The following STAG1 variants were observed in gnomAD, a reference collection of about 807,000 sequenced individuals.
STAG1 encodes cohesin subunit SA-1.
A neutral mutation model predicts 170.9 loss-of-function variants in STAG1; 26 were observed. The observed-to-expected ratio is 0.15, with a 90% confidence interval of 0.11 to 0.21. The LOEUF (loss-of-function observed/expected upper bound fraction) is 0.21. STAG1 is among the 10% of genes least tolerant of loss of function. STAG1 has a pLI of 1.00. For missense variants in STAG1, 964 were observed against 1,509.5 expected (o/e 0.64, Z 5.99); for synonymous variants, 514 against 497.7 (o/e 1.03, Z -0.44).
At chr3:136,392,701 G>GGTT (rs762015067) in intron 22 of STAG1, among the ~76,000 whole-genome samples, 5 of 151,110 alleles carry the variant, frequency 3.3e-5, no homozygotes, top group African/African-American at 4.9e-5. Context: ...GGGAGATGGA[G>GGTT]GTTGCAGTGA....
intron 9 of STAG1, among the ~76,000 whole-genome samples, chr3:136,487,519 C>T (rs541414284): frequency 6.6e-6 from 1 of 152,182 alleles, no homozygotes. Flanking sequence ...CTTTTCCAGA[C>T]TTGCAATTTG....
chr3:136,344,434 A>AGGG (rs1936131273), intron 29 of STAG1, among the ~76,000 whole-genome samples: 1 of 152,140 alleles, frequency 6.6e-6, no homozygotes, highest in Non-Finnish European at 1.5e-5. Flanking sequence ...TAGCAATTAA[A>AGGG]GTCTGACTGG....
chr3:136,711,668 C>G (rs1327107197), intron 1 of STAG1, among the ~76,000 whole-genome samples: 1 of 151,892 alleles, frequency 6.6e-6, no homozygotes, highest in African/African-American at 2.4e-5. Flanking sequence ...ACTAATGTAA[C>G]AGGATAAAGG....
chr3:136,699,400 CTTT>C, intron 1 of STAG1, among the ~76,000 whole-genome samples: 1 of 151,916 alleles, frequency 6.6e-6, no homozygotes, highest in Non-Finnish European at 1.5e-5. Context: ...CTTTTCTTTT[CTTT>C]TTTTAAAGAC....
At position 136,422,402 on chromosome 3, in the gene STAG1, G is replaced by C. The variant is rs528551644; in HGVS notation, c.2037+8C>G. 9 of 1,612,482 alleles carry C rather than the reference G, an allele frequency of 5.6e-6. No homozygotes were observed. Among genetic ancestry groups the C allele is most frequent in the Middle Eastern group, 1.7e-4 (1 of 6,058 alleles). ...TTATTATATGTACACATTAACTTTA[G>C]AACAGACCTCTTGCAATAGGTCTTC... On this transcript the variant is annotated splice_region_variant and intron_variant, in intron 19 of 33. Coordinates refer to ENST00000383202, the MANE Select transcript of STAG1 (RefSeq NM_005862.3).
At position 136,522,682 on chromosome 3, in the gene STAG1, T is replaced by C. The variant is rs1441103290; in HGVS notation, c.472-1265A>G. Among the ~76,000 whole-genome samples the C allele has an allele frequency of 3.3e-5, 5 of 151,960 alleles. No homozygotes were observed. In the East Asian group the frequency reaches 7.7e-4, roughly 23 times the overall value. On this transcript the variant is annotated intron_variant, in intron 6 of 33. Coordinates refer to ENST00000383202, the MANE Select transcript of STAG1 (RefSeq NM_005862.3). ...TGTGCTGCACCCATTAACTCATCAT[T>C]TACATGAGGTATATCTCCTAATGCT... is the stretch of plus-strand genomic sequence containing the variant.
chr3:136,606,939 A>G (rs892397044), intron 3 of STAG1, among the ~76,000 whole-genome samples: 1 of 151,594 alleles, frequency 6.6e-6, no homozygotes, highest in Middle Eastern at 3.2e-3. Flanking sequence ...TTTAGTAGAG[A>G]TGTGGTTTCA....
At chr3:136,486,818 C>T (rs2090022099) in intron 9 of STAG1, among the ~76,000 whole-genome samples, 1 of 151,946 alleles carries the variant, frequency 6.6e-6, no homozygotes, top group African/African-American at 2.4e-5. Context: ...GGCTAGAGAA[C>T]AACCAGTCTT....
At chr3:136,422,675 G>C in intron 18 of STAG1, 62 bp from the exon 19 acceptor site, 1 of 1,545,992 alleles carries the variant, frequency 6.5e-7, no homozygotes, top group Admixed American at 2.0e-5. Context: ...TAAAAAATTA[G>C]CATCTGTCAA....
intron 5 of STAG1, among the ~76,000 whole-genome samples, chr3:136,565,058 G>GGCAGGCAGGCAGGCAGA (rs1937015145): frequency 3.3e-5 from 1 of 29,882 alleles, no homozygotes; most frequent in Non-Finnish European, 9.7e-5. Flanking sequence ...GGGAGGGAGG[G>GGCAGGCAGGCAGGCAGA]AGGGAGGGAG....
intron 19 of STAG1, 132 bp downstream of exon 19, chr3:136,422,278 G>C: frequency 1.4e-6 from 1 of 711,480 alleles, no homozygotes; most frequent in Non-Finnish European, 2.3e-6. Flanking sequence ...TTGTAATAAG[G>C]TTGCTAAGTT....
chr3:136,509,388 TG>T (rs1363609131), intron 7 of STAG1, among the ~76,000 whole-genome samples: 1 of 147,124 alleles, frequency 6.8e-6, no homozygotes. Context: ...AAGGACCACT[TG>T]GAAAAAAAAA....
At chr3:136,698,122 C>G (rs1224640180) in intron 1 of STAG1, among the ~76,000 whole-genome samples, 1 of 151,164 alleles carries the variant, frequency 6.6e-6, no homozygotes, top group Non-Finnish European at 1.5e-5. Context: ...GAATTCATGA[C>G]TAAGACCTCA....
intron 2 of STAG1, among the ~76,000 whole-genome samples, chr3:136,627,453 ACATACATGAGAATCTTCCAT>A (rs1940157222): frequency 6.6e-6 from 1 of 152,186 alleles, no homozygotes; most frequent in Non-Finnish European, 1.5e-5. Context: ...TTTAAGTGTT[ACATACATGAGAATCTTCCAT>A]ATAAATATTT....
chr3:136,476,752 C>T (rs879399010), intron 10 of STAG1, among the ~76,000 whole-genome samples: 3 of 152,040 alleles, frequency 2.0e-5, no homozygotes, highest in Admixed American at 6.6e-5. Context: ...CCACACCTGG[C>T]CAAATTCCAA....
chr3:136,701,325 A>G (rs1281788130), intron 1 of STAG1, among the ~76,000 whole-genome samples: 1 of 152,114 alleles, frequency 6.6e-6, no homozygotes, highest in East Asian at 1.9e-4. Context: ...GTAAAAACTG[A>G]ATTTTATCCT....
chr3:136,369,982 T>C (rs1439766400), intron 23 of STAG1, among the ~76,000 whole-genome samples: 4 of 152,190 alleles, frequency 2.6e-5, no homozygotes, highest in Non-Finnish European at 5.9e-5. Context: ...CAGTATAGCA[T>C]ATCTAACTTG....
At chr3:136,395,920 A>G (rs150448940) in intron 22 of STAG1, among the ~76,000 whole-genome samples, 1,567 of 152,230 alleles carry the variant, frequency 0.01, 11 homozygotes, top group Non-Finnish European at 0.015. Flanking sequence ...CATTTCAAAA[A>G]AAGACAAGAG....
intron 1 of STAG1, among the ~76,000 whole-genome samples, chr3:136,666,844 T>G (rs900927005): frequency 6.6e-6 from 1 of 151,048 alleles, no homozygotes; most frequent in Non-Finnish European, 1.5e-5. Context: ...AAAACCTGTT[T>G]GATGCTAGGA....
Sources: gnomAD v4.1 joint callset for allele counts (sites outside exome capture counted in the v4.1 genomes callset) on GRCh38, gnomAD v4.1.1 for gene constraint, MANE v1.5 for transcripts, NCBI Gene and HGNC (gene_info 2026-07-23, HGNC 2026-07-21) for gene names.